Variants in KIF17 observed in about 807,000 individuals in gnomAD.
The protein encoded by KIF17 is kinesin-like protein KIF17.
Under a neutral mutation model 96.8 loss-of-function variants are expected in KIF17, and 80 were observed. That is an observed-to-expected ratio of 0.83 (90% CI 0.69 to 1.00). The LOEUF is 1.00. Ranked by LOEUF, KIF17 falls within the 50% of genes least tolerant of loss-of-function variation. KIF17 has a pLI of 0.00. For missense variants in KIF17, 1,280 were observed against 1,372.9 expected (o/e 0.93, Z 1.07); for synonymous variants, 567 against 587.5 (o/e 0.97, Z 0.51).
At chr1:20,670,385 C>T (rs1315574528) in intron 13 of KIF17, 36 bp downstream of exon 13, 20 of 1,599,542 alleles carry the variant, frequency 1.3e-5, no homozygotes, top group Admixed American at 1.7e-5. Flanking sequence ...GCCCTCCCAG[C>T]CCCCGACACC....
At chr1:20,714,563 G>A (rs748372703) in intron 2 of KIF17, among the ~76,000 whole-genome samples, 2 of 151,942 alleles carry the variant, frequency 1.3e-5, no homozygotes, top group Non-Finnish European at 2.9e-5. Context: ...TTGGGAGGCC[G>A]AGGCCAATGA....
intron 5 of KIF17, among the ~76,000 whole-genome samples, chr1:20,703,172 T>C (rs1300890823): frequency 3.0e-5 from 4 of 135,472 alleles, no homozygotes; most frequent in African/African-American, 1.4e-4. Flanking sequence ...TGGAGATGGA[T>C]GGATGAATGG....
intron 2 of KIF17, 124 bp from the exon 3 acceptor site, chr1:20,713,679 C>A: frequency 2.7e-6 from 2 of 751,850 alleles, no homozygotes; most frequent in South Asian, 1.5e-5. Flanking sequence ...GACATCGGGG[C>A]AAGAGGAGTC....
At chr1:20,715,704 C>A in intron 1 of KIF17, 65 bp from the exon 2 acceptor site, 11 of 1,598,762 alleles carry the variant, frequency 6.9e-6, no homozygotes, top group Non-Finnish European at 9.4e-6. Context: ...CGGGACAGGG[C>A]TCCCTAACCC....
In KIF17 at chr1:20,717,458, CCTG is replaced by C; in HGVS notation, c.231+15_231+17del. On this transcript the variant is annotated intron_variant, in intron 1 of 14. Coordinates refer to ENST00000400463, the MANE Select transcript of KIF17 (RefSeq NM_001122819.3). ...TCATGCCCTGCCGCCTGCAGGGCGGCCTGCCGGGCGCCCTCACCTCCACCAGCG... is the reference window on the plus strand; with the variant it reads ...TCATGCCCTGCCGCCTGCAGGGCGGCCCGGGCGCCCTCACCTCCACCAGCG... 1.9e-6 allele frequency: 3 copies of C among 1,609,144 alleles called. No individual in the cohort carries two copies. The highest frequency in any genetic ancestry group is 3.3e-4 in the Middle Eastern group (2 of 6,054).
chr1:20,683,421 T>A (rs2053868676), intron 10 of KIF17, among the ~76,000 whole-genome samples: 1 of 152,084 alleles, frequency 6.6e-6, no homozygotes, highest in Non-Finnish European at 1.5e-5. Flanking sequence ...TTGGGAGGCC[T>A]AGGCAGGCAA....
At chr1:20,703,588 T>A (rs947661708) in intron 5 of KIF17, among the ~76,000 whole-genome samples, 2 of 144,666 alleles carry the variant, frequency 1.4e-5, no homozygotes, top group Non-Finnish European at 3.0e-5. Context: ...GGATAAGTAA[T>A]GGGGTGGGTG....
rs560813854 is a variant in KIF17 at position 20,717,124 on chromosome 1, T to C, written c.231+352A>G. On this transcript the variant is annotated intron_variant, in intron 1 of 14. Transcript: ENST00000400463. ...CGGGCGGATCACTTGAGGTCAGGAGTTCGAGACCAGCCTGGCCAACATGGT... is the reference window on the plus strand; with the variant it reads ...CGGGCGGATCACTTGAGGTCAGGAGCTCGAGACCAGCCTGGCCAACATGGT... Among the ~76,000 whole-genome samples, 5 of 152,138 alleles carry C rather than the reference T, an allele frequency of 3.3e-5. No homozygotes were observed. In the East Asian group the frequency reaches 7.7e-4, roughly 24 times the overall value.
rs1570433910 is a variant in KIF17, at chr1:20,672,373, A to C, written c.2464-177T>G. Among the ~76,000 whole-genome samples the C allele has an allele frequency of 6.7e-6, 1 of 150,310 alleles. No individual in the cohort carries two copies. ...CATCCTTCCCTCCATCCATCCATCC[A>C]CCTCCTCTCACACCCACTGATCCTT... On this transcript the variant is annotated intron_variant, in intron 11 of 14. Coordinates refer to ENST00000400463, the MANE Select transcript of KIF17 (RefSeq NM_001122819.3). This position sits in a 1 kb window ranked among gnomAD's most constrained non-coding sequence, Gnocchi z 4.3.
chr1:20,717,876 G>C lies in KIF17; in HGVS notation c.-170C>G, dbSNP rs1216784314. 2 of 386,042 alleles carry C rather than the reference G, an allele frequency of 5.2e-6. No individual in the cohort carries two copies. Among genetic ancestry groups the C allele is most frequent in the Non-Finnish European group, 7.7e-6 (2 of 259,854 alleles). The allele number at this position is 386,042 out of a possible 1,614,324, so 23.9% of individuals were successfully genotyped here. A position where few individuals can be genotyped will look rare whatever the true frequency, so the allele number is the denominator to read the frequency against. On this transcript the variant is annotated 5_prime_UTR_variant, in exon 1 of 15. Transcript: ENST00000400463. ...ACCCCTCGGGGGGCGCCCCGGAGGG[G>C]AGCTGGGCGTCGCAGGACCCGAGCC...
intron 2 of KIF17, among the ~76,000 whole-genome samples, chr1:20,713,817 T>C (rs72650882): frequency 0.026 from 3,950 of 151,812 alleles, 78 homozygotes; most frequent in Non-Finnish European, 0.037. Flanking sequence ...ACAAGCCTCA[T>C]GGGAAAGGAA....
chr1:20,672,518 T>G lies in KIF17; in HGVS notation c.2464-322A>C, dbSNP rs1032688809. 7.9e-5 allele frequency among the ~76,000 whole-genome samples: 12 copies of G among 152,150 alleles called. No individual in the cohort carries two copies. The highest frequency in any genetic ancestry group is 2.9e-4 in the African/African-American group (12 of 41,426). On this transcript the variant is annotated intron_variant, in intron 11 of 14. Transcript: ENST00000400463. This position sits in a 1 kb window ranked among gnomAD's most constrained non-coding sequence, Gnocchi z 4.3. Reference sequence around the variant, plus strand: ...ATCAGCAATCCCAACAGCCAGCCCCTCAGTCACTATCTCCCATTGTACATT... The same window carrying G: ...ATCAGCAATCCCAACAGCCAGCCCCGCAGTCACTATCTCCCATTGTACATT...
At chr1:20,712,892 T>G (rs2054497843) in intron 3 of KIF17, among the ~76,000 whole-genome samples, 1 of 88,938 alleles carries the variant, frequency 1.1e-5, no homozygotes, top group Non-Finnish European at 1.9e-5. Context: ...ATAATATAGA[T>G]AATATTATCT....
rs943998206 is a variant in KIF17 at position 20,704,285 on chromosome 1, G to T, written c.1123+162C>A. 7.0e-6 allele frequency among the ~76,000 whole-genome samples: 1 copy of T among 142,412 alleles called. No individual in the cohort carries two copies. 93.4% of individuals were successfully genotyped at this position (142,412 alleles called of 152,430 possible). A position where few individuals can be genotyped will look rare whatever the true frequency, so the allele number is the denominator to read the frequency against. On this transcript the variant is annotated intron_variant, in intron 5 of 14. Coordinates refer to ENST00000400463, the MANE Select transcript of KIF17 (RefSeq NM_001122819.3). The surrounding 1 kb of genome is among the most constrained non-coding windows in gnomAD (Gnocchi z 6.8). Reference sequence around the variant, plus strand: ...GGACACTGACAAGCAGATACCATCTGGGCCGTCTCCAACCAGGGCCCTGCG... The same window carrying T: ...GGACACTGACAAGCAGATACCATCTTGGCCGTCTCCAACCAGGGCCCTGCG...
downstream of KIF17, among the ~76,000 whole-genome samples, chr1:20,663,397 G>A (rs916283892): frequency 2.0e-5 from 3 of 152,158 alleles, no homozygotes; most frequent in Non-Finnish European, 4.4e-5. Context: ...GCCTGCCATA[G>A]AAATTGATAC....
chr1:20,711,236 C>T (rs1240688582), intron 3 of KIF17, among the ~76,000 whole-genome samples: 1 of 152,168 alleles, frequency 6.6e-6, no homozygotes, highest in Non-Finnish European at 1.5e-5. Flanking sequence ...AGGATGAGGT[C>T]GCCATCTCGG....
At position 20,664,225 on chromosome 1, in the gene KIF17, C is replaced by T. The variant is rs2053484221; in HGVS notation, c.*359G>A. ...GCTTCCTCCACGTGGCAGCTGCTGC[C>T]CTCTCCATCAGGGCTGGTGAAGGCC... On this transcript the variant is annotated 3_prime_UTR_variant, in exon 15 of 15. Transcript: ENST00000400463. 3 of 708,508 alleles carry T rather than the reference C, an allele frequency of 4.2e-6. No homozygotes were observed. Among genetic ancestry groups the T allele is most frequent in the African/African-American group, 3.7e-5 (2 of 54,238 alleles). The allele number at this position is 708,508 out of a possible 1,614,324, so 43.9% of individuals were successfully genotyped here. A position where few individuals can be genotyped will look rare whatever the true frequency, so the allele number is the denominator to read the frequency against.
downstream of KIF17, among the ~76,000 whole-genome samples, chr1:20,662,278 C>T (rs921128720): frequency 5.9e-5 from 9 of 152,196 alleles, no homozygotes; most frequent in Non-Finnish European, 8.8e-5. Context: ...CCCGGTTCAT[C>T]TCAGACCTGC....
chr1:20,665,105 C>G (rs1253025569), intron 14 of KIF17, among the ~76,000 whole-genome samples: 1 of 151,694 alleles, frequency 6.6e-6, no homozygotes, highest in African/African-American at 2.4e-5. Flanking sequence ...CTCTGAGCCT[C>G]AGTTTCCTCA....
Sources: gnomAD v4.1 joint callset for allele counts (sites outside exome capture counted in the v4.1 genomes callset) on GRCh38, gnomAD v4.1.1 for gene constraint, Gnocchi (gnomAD v3.1) non-coding constraint, MANE v1.5 for transcripts, NCBI Gene and HGNC (gene_info 2026-07-23, HGNC 2026-07-21) for gene names.